SLC12A8: variants seen among roughly 807,000 people sequenced by gnomAD.
SLC12A8 encodes cation-chloride cotransporter 9.
In SLC12A8, 69 loss-of-function variants were observed where a neutral mutation model predicts 75.6. That is an observed-to-expected ratio of 0.91 (90% CI 0.75 to 1.11). The LOEUF is 1.11. Among genes scored for constraint, SLC12A8 ranks in the 50% most tolerant of loss-of-function variants. The pLI is 0.00. For synonymous variants in SLC12A8, 365 were observed against 372.8 expected, an observed-to-expected ratio of 0.98 and a Z score of 0.24; for missense variants, 877 against 896.7, an observed-to-expected ratio of 0.98 and a Z score of 0.28.
intron 5 of SLC12A8, among the ~76,000 whole-genome samples, chr3:125,141,978 A>C (rs570569370): frequency 6.6e-6 from 1 of 152,088 alleles, no homozygotes; most frequent in Non-Finnish European, 1.5e-5. Context: ...CGTCGGGGGA[A>C]GTGGTAGGCC....
chr3:125,198,330 G>A (rs1300085539), intron 2 of SLC12A8, among the ~76,000 whole-genome samples: 1 of 150,350 alleles, frequency 6.7e-6, no homozygotes, highest in Non-Finnish European at 1.5e-5. Context: ...GATTAAAAGA[G>A]ACTAAAGAGA....
chr3:125,118,237 C>T (rs896588975), intron 8 of SLC12A8, among the ~76,000 whole-genome samples: 2 of 152,212 alleles, frequency 1.3e-5, no homozygotes, highest in Non-Finnish European at 2.9e-5. Flanking sequence ...CTCTGGGCAT[C>T]ATTATCTGTT....
chr3:125,115,352 T>G (rs1324827196), intron 8 of SLC12A8, among the ~76,000 whole-genome samples: 1 of 151,870 alleles, frequency 6.6e-6, no homozygotes, highest in East Asian at 1.9e-4. Flanking sequence ...TGAAACCCCG[T>G]TTCTACTAAA....
chr3:125,088,772 A>G (rs1022543260), intron 12 of SLC12A8, among the ~76,000 whole-genome samples: 3 of 152,242 alleles, frequency 2.0e-5, no homozygotes, highest in Admixed American at 6.5e-5. Context: ...AATTGGGAAC[A>G]TGTCTTTTTC....
chr3:125,167,908 T>C (rs1012684015), intron 5 of SLC12A8, among the ~76,000 whole-genome samples: 1 of 152,224 alleles, frequency 6.6e-6, no homozygotes, highest in Non-Finnish European at 1.5e-5. Flanking sequence ...GGATAGCCCA[T>C]GTGGCTCTTT....
intron 2 of SLC12A8, among the ~76,000 whole-genome samples, chr3:125,199,134 G>T (rs1165123032): frequency 6.6e-6 from 1 of 151,918 alleles, no homozygotes; most frequent in East Asian, 1.9e-4. Context: ...ACTGTGGTTA[G>T]GTAAAAAAAC....
At chr3:125,181,258 CTT>C (rs1212247229) in intron 4 of SLC12A8, among the ~76,000 whole-genome samples, 1 of 152,082 alleles carries the variant, frequency 6.6e-6, no homozygotes, top group Non-Finnish European at 1.5e-5. Flanking sequence ...CATAACTAAA[CTT>C]GGGTTCAGAA....
chr3:125,198,733 G>A (rs1184422002), intron 2 of SLC12A8, among the ~76,000 whole-genome samples: 2 of 151,984 alleles, frequency 1.3e-5, no homozygotes, highest in Non-Finnish European at 2.9e-5. Context: ...GATGTTAGTG[G>A]GATAACTGGT....
At chr3:125,122,372 C>T (rs190899061) in intron 6 of SLC12A8, among the ~76,000 whole-genome samples, 27 of 152,204 alleles carry the variant, frequency 1.8e-4, no homozygotes, top group Non-Finnish European at 2.2e-4. Context: ...TTGTTTTTAA[C>T]GGCCTGTTAG....
intron 10 of SLC12A8, among the ~76,000 whole-genome samples, chr3:125,101,121 A>G (rs1342293709): frequency 2.0e-5 from 3 of 151,994 alleles, no homozygotes; most frequent in African/African-American, 7.3e-5. Context: ...TGGCATACAC[A>G]CTGTGTAGTG....
At chr3:125,117,940 C>T (rs76482052) in intron 8 of SLC12A8, among the ~76,000 whole-genome samples, 2,980 of 152,340 alleles carry the variant, frequency 0.02, 42 homozygotes, top group Non-Finnish European at 0.029. Flanking sequence ...ATGTCTGAGA[C>T]TCTCAGGAAA....
chr3:125,097,723 T>G (rs1454353628), intron 10 of SLC12A8, among the ~76,000 whole-genome samples: 1 of 152,188 alleles, frequency 6.6e-6, no homozygotes, highest in Non-Finnish European at 1.5e-5. Flanking sequence ...TAGACAATTA[T>G]TCATAATTCT....
chr3:125,094,223 G>C (rs565812728), intron 10 of SLC12A8, among the ~76,000 whole-genome samples: 4 of 152,094 alleles, frequency 2.6e-5, no homozygotes, highest in Non-Finnish European at 4.4e-5. Context: ...ACCATTCATA[G>C]TCTACAGAGG....
intron 5 of SLC12A8, among the ~76,000 whole-genome samples, chr3:125,148,045 G>C (rs944827592): frequency 1.3e-5 from 2 of 152,222 alleles, no homozygotes; most frequent in Admixed American, 1.3e-4. Context: ...AAAGAGAGCA[G>C]GTCAGAGAGG....
At chr3:125,101,446 T>C (rs1938873023) in intron 10 of SLC12A8, among the ~76,000 whole-genome samples, 1 of 152,262 alleles carries the variant, frequency 6.6e-6, no homozygotes, top group Admixed American at 6.5e-5. Context: ...TTATCTCACC[T>C]GACATCTTTT....
chr3:125,208,787 C>CAGAGAGAGAGAGAG (rs1560087661), intron 2 of SLC12A8, among the ~76,000 whole-genome samples: 7 of 106,290 alleles, frequency 6.6e-5, no homozygotes, highest in Admixed American at 5.9e-4. Flanking sequence ...CACACACACA[C>CAGAGAGAGAGAGAG]ACACAGAGAG....
chr3:125,092,051 C>T lies in SLC12A8; in HGVS notation c.1803+50G>A, dbSNP rs183645964. 6.7e-4 allele frequency: 886 copies of T among 1,321,794 alleles called. 1 individual carries two copies. Among genetic ancestry groups the T allele is most frequent in the South Asian group, 9.2e-4 (76 of 82,538 alleles). 81.9% of individuals were successfully genotyped at this position (1,321,794 alleles called of 1,614,324 possible). A position where few individuals can be genotyped will look rare whatever the true frequency, so the allele number is the denominator to read the frequency against. On this transcript the variant is annotated intron_variant, in intron 11 of 13. Coordinates refer to ENST00000469902, the MANE Select transcript of SLC12A8 (RefSeq NM_024628.6). ...CACAGCCCAAGATCACACATGTGTC[C>T]ACCTGAACTCTGTCCCAAGAACAAC...
intron 10 of SLC12A8, among the ~76,000 whole-genome samples, chr3:125,093,782 C>T (rs1293651326): frequency 6.6e-6 from 1 of 152,162 alleles, no homozygotes. Flanking sequence ...TATTCCTAGC[C>T]CAAGTCTCCC....
Position 125,083,867 on chromosome 3 carries a change from A to G in SLC12A8, c.*23T>C. The G allele has an allele frequency of 1.2e-6, 2 of 1,604,804 alleles. No individual in the cohort carries two copies. Among genetic ancestry groups the G allele is most frequent in the Non-Finnish European group, 1.7e-6 (2 of 1,175,756 alleles). The stretch of plus-strand genomic sequence containing the variant: ...CCACTGTACATGGGACAGCTCCAAA[A>G]GAGGAAGGTCCCAGCACTGCATCTA... On this transcript the variant is annotated 3_prime_UTR_variant, in exon 14 of 14. Transcript: ENST00000469902.
Sources: allele counts gnomAD v4.1 joint callset (sites outside exome capture counted in the v4.1 genomes callset), GRCh38; gene constraint gnomAD v4.1.1; transcripts MANE v1.5; gene names NCBI Gene and HGNC (gene_info 2026-07-23, HGNC 2026-07-21).